Variants in ELAPOR2 observed in about 807,000 individuals in gnomAD.
ELAPOR2 encodes the protein endosome/lysosome-associated apoptosis and autophagy regulator family member 2.
Under a neutral mutation model 120.7 loss-of-function variants are expected in ELAPOR2, and 89 were observed. That is an observed-to-expected ratio of 0.74 (90% CI 0.62 to 0.88). The LOEUF is 0.88. Ranked by LOEUF, ELAPOR2 falls within the 40% of genes least tolerant of loss-of-function variation. The pLI is 0.00. For missense variants in ELAPOR2, 1,134 were observed against 1,251.6 expected (o/e 0.91, Z 1.42); for synonymous variants, 444 against 444.9 (o/e 1.00, Z 0.03).
intron 12 of ELAPOR2, among the ~76,000 whole-genome samples, chr7:86,915,959 T>C (rs1007320282): frequency 6.6e-6 from 1 of 152,124 alleles, no homozygotes; most frequent in Non-Finnish European, 1.5e-5. Context: ...GTTATAATAA[T>C]TGAAATTTAA....
intron 1 of ELAPOR2, among the ~76,000 whole-genome samples, chr7:86,998,222 A>G (rs564128808): frequency 6.6e-6 from 1 of 152,316 alleles, no homozygotes; most frequent in African/African-American, 2.4e-5. Context: ...TAGTTAAACA[A>G]TGGTAATATG....
At chr7:86,886,666 C>T (rs1462145548) in intron 21 of ELAPOR2, among the ~76,000 whole-genome samples, 3 of 152,102 alleles carry the variant, frequency 2.0e-5, no homozygotes, top group South Asian at 2.1e-4. Flanking sequence ...CTGAATAAGC[C>T]TCACTTGTCA....
intron 1 of ELAPOR2, among the ~76,000 whole-genome samples, chr7:87,045,525 A>G (rs540987690): frequency 0.022 from 3,301 of 149,938 alleles, 138 homozygotes; most frequent in African/African-American, 0.078. Flanking sequence ...ACCAAACACC[A>G]CATATTCTCA....
At chr7:86,920,301 A>G (rs1323853012) in intron 10 of ELAPOR2, among the ~76,000 whole-genome samples, 1 of 152,190 alleles carries the variant, frequency 6.6e-6, no homozygotes, top group Non-Finnish European at 1.5e-5. Context: ...AGAGATAAGC[A>G]GGTATAGAAT....
intron 18 of ELAPOR2, among the ~76,000 whole-genome samples, chr7:86,906,064 C>T (rs971379258): frequency 1.3e-5 from 2 of 152,082 alleles, no homozygotes; most frequent in Non-Finnish European, 2.9e-5. Flanking sequence ...GAGTTAGAGG[C>T]CTGGAGGAGG....
intron 1 of ELAPOR2, among the ~76,000 whole-genome samples, chr7:87,034,096 C>T (rs1341666849): frequency 6.6e-6 from 1 of 152,012 alleles, no homozygotes; most frequent in East Asian, 1.9e-4. Flanking sequence ...ACTATATGTA[C>T]ATAATATTAC....
chr7:87,009,985 CG>C (rs1793602352), intron 1 of ELAPOR2, among the ~76,000 whole-genome samples: 1 of 151,278 alleles, frequency 6.6e-6, no homozygotes, highest in African/African-American at 2.4e-5. Flanking sequence ...AAACTCATTA[CG>C]AAAGAAAGAA....
chr7:87,035,840 T>G (rs1289340487), intron 1 of ELAPOR2, among the ~76,000 whole-genome samples: 8 of 152,234 alleles, frequency 5.3e-5, no homozygotes, highest in Non-Finnish European at 8.8e-5. Flanking sequence ...TTTAAATCAA[T>G]TATGTTGGAT....
intron 3 of ELAPOR2, among the ~76,000 whole-genome samples, chr7:86,945,616 T>C (rs372928133): frequency 2.6e-5 from 4 of 152,168 alleles, no homozygotes; most frequent in African/African-American, 9.7e-5. Context: ...TATAACATGT[T>C]TCTAAATATA....
chr7:86,992,848 T>A (rs1635040), intron 1 of ELAPOR2, among the ~76,000 whole-genome samples: 1 of 151,968 alleles, frequency 6.6e-6, no homozygotes, highest in Non-Finnish European at 1.5e-5. Context: ...GAATCCTTCA[T>A]CGATTTGAAA....
intron 1 of ELAPOR2, among the ~76,000 whole-genome samples, chr7:86,977,787 C>T (rs1231685985): frequency 6.6e-6 from 1 of 152,104 alleles, no homozygotes; most frequent in Non-Finnish European, 1.5e-5. Context: ...ATATCATCAA[C>T]CAAAAATAAC....
chr7:86,997,206 G>A (rs1022115540), intron 1 of ELAPOR2, among the ~76,000 whole-genome samples: 8 of 152,098 alleles, frequency 5.3e-5, no homozygotes, highest in Non-Finnish European at 1.2e-4. Flanking sequence ...GTTATCAAAC[G>A]AAAGAAGCTG....
At chr7:86,926,431 T>G (rs1790069314) in intron 9 of ELAPOR2, among the ~76,000 whole-genome samples, 1 of 151,974 alleles carries the variant, frequency 6.6e-6, no homozygotes, top group South Asian at 2.1e-4. Context: ...TTCAAAAAGT[T>G]TAAACAACTT....
At chr7:86,949,472 C>T (rs1039506929) in intron 2 of ELAPOR2, among the ~76,000 whole-genome samples, 8 of 152,128 alleles carry the variant, frequency 5.3e-5, no homozygotes, top group Admixed American at 4.6e-4. Flanking sequence ...AGGCAGAGCC[C>T]CGTCCTCCCA....
At position 86,987,700 on chromosome 7, in the gene ELAPOR2, G is replaced by C. The variant is rs539164511; in HGVS notation, c.190-22676C>G. 8.5e-4 allele frequency among the ~76,000 whole-genome samples: 129 copies of C among 151,752 alleles called. 1 individual carries two copies. Among genetic ancestry groups the C allele is most frequent in the East Asian group, 5.8e-3 (30 of 5,150 alleles). On this transcript the variant is annotated intron_variant, in intron 1 of 21. Transcript: ENST00000450689. ...ATCATTAAAAAGTCAGGAAACAACA[G>C]ATGCTGGAGAGGATGTGGAGAAATA...
At chr7:86,984,223 A>G (rs1453813353) in intron 1 of ELAPOR2, among the ~76,000 whole-genome samples, 1 of 152,208 alleles carries the variant, frequency 6.6e-6, no homozygotes, top group Non-Finnish European at 1.5e-5. Context: ...TTAGACTCCC[A>G]CACAATAATA....
At chr7:87,019,362 A>G (rs1382162045) in intron 1 of ELAPOR2, among the ~76,000 whole-genome samples, 1 of 152,062 alleles carries the variant, frequency 6.6e-6, no homozygotes, top group Non-Finnish European at 1.5e-5. Flanking sequence ...ACCTCATTTC[A>G]GATGTTGCCT....
rs565393859 is a variant in ELAPOR2, at chr7:87,012,600, C to T, written c.189+46725G>A. On this transcript the variant is annotated intron_variant, in intron 1 of 21. Coordinates refer to ENST00000450689, the MANE Select transcript of ELAPOR2 (RefSeq NM_001142749.3). Reference sequence around the variant, plus strand: ...GATGTCTGTACACAAAGTATCTGTACTTTCTGTTCACATACTTTTTAGAAG... The same window carrying T: ...GATGTCTGTACACAAAGTATCTGTATTTTCTGTTCACATACTTTTTAGAAG... 1.5e-3 allele frequency among the ~76,000 whole-genome samples: 228 copies of T among 152,256 alleles called. 1 individual carries two copies. The highest frequency in any genetic ancestry group is 2.6e-3 in the Non-Finnish European group (177 of 68,018).
chr7:86,959,753 T>C (rs753230963), intron 2 of ELAPOR2, among the ~76,000 whole-genome samples: 40 of 152,234 alleles, frequency 2.6e-4, no homozygotes, highest in Non-Finnish European at 4.1e-4. Context: ...CATTATTTCC[T>C]TCCTTAGGCC....
Sources: gnomAD v4.1 joint callset for allele counts (sites outside exome capture counted in the v4.1 genomes callset) on GRCh38, gnomAD v4.1.1 for gene constraint, MANE v1.5 for transcripts, NCBI Gene and HGNC (gene_info 2026-07-23, HGNC 2026-07-21) for gene names.